The following OR51B5 variants were observed in gnomAD, a reference collection of about 807,000 sequenced individuals.
OR51B5 encodes olfactory receptor family 51 subfamily B member 5, also known as olfactory receptor 51B5.
For missense variants in OR51B5, 456 were observed against 374.6 expected, an observed-to-expected ratio of 1.22 and a Z score of -1.79; for synonymous variants, 186 against 144.8, an observed-to-expected ratio of 1.28 and a Z score of -2.04.
At chr11:5,466,278 C>T (rs1851137838) in intron 1 of OR51B5, among the ~76,000 whole-genome samples, 1 of 152,104 alleles carries the variant, frequency 6.6e-6, no homozygotes, top group Admixed American at 6.5e-5. Context: ...AGGCAATACT[C>T]ATTAGACAAT....
chr11:5,448,314 AG>A (rs1252949004), intron 1 of OR51B5, among the ~76,000 whole-genome samples: 1 of 152,226 alleles, frequency 6.6e-6, no homozygotes, highest in Non-Finnish European at 1.5e-5. Context: ...ATCCACACCC[AG>A]TAGATGTTAA....
rs896005722 is a variant in OR51B5, at chr11:5,351,498, A to G, written n.85-4588T>C. 2.5e-6 allele frequency: 4 copies of G among 1,598,418 alleles called. No homozygotes were observed. The Admixed American group carries it at 6.9e-5, about 28-fold the overall frequency. Reference sequence around the variant, plus strand: ...CTGGAGTAAATATTTGCCTCTTTGCAAAGCTGGCAATGGGGCTCAATAAGT... The same window carrying G: ...CTGGAGTAAATATTTGCCTCTTTGCGAAGCTGGCAATGGGGCTCAATAAGT... On this transcript the variant is annotated intron_variant and non_coding_transcript_variant, in intron 1 of 4. Coordinates refer to the OR51B5 transcript ENST00000415970.
intron 1 of OR51B5, among the ~76,000 whole-genome samples, chr11:5,446,135 A>G (rs1850759353): frequency 6.6e-6 from 1 of 152,140 alleles, no homozygotes; most frequent in African/African-American, 2.4e-5. Flanking sequence ...GGATAGCATT[A>G]GGAGATACAC....
At chr11:5,434,267 G>A (rs1178226196) in intron 1 of OR51B5, among the ~76,000 whole-genome samples, 1 of 152,144 alleles carries the variant, frequency 6.6e-6, no homozygotes, top group African/African-American at 2.4e-5. Flanking sequence ...AGACTAAAAT[G>A]AAATTTGCAA....
intron 1 of OR51B5, among the ~76,000 whole-genome samples, chr11:5,414,745 C>T (rs1263190924): frequency 1.3e-5 from 2 of 152,148 alleles, no homozygotes; most frequent in African/African-American, 2.4e-5. Flanking sequence ...TATATATGCA[C>T]CCAATACAGG....
At chr11:5,397,643 T>A (rs1285599804) in intron 1 of OR51B5, among the ~76,000 whole-genome samples, 3 of 151,380 alleles carry the variant, frequency 2.0e-5, no homozygotes, top group Non-Finnish European at 2.9e-5. Context: ...GTCAGTGTGG[T>A]GATTCCTCAG....
intron 1 of OR51B5, among the ~76,000 whole-genome samples, chr11:5,427,837 A>G (rs1850472397): frequency 6.6e-6 from 1 of 152,206 alleles, no homozygotes; most frequent in African/African-American, 2.4e-5. Context: ...TTTAAACATC[A>G]AATTTAAATT....
intron 1 of OR51B5, among the ~76,000 whole-genome samples, chr11:5,419,309 C>G (rs1346131884): frequency 6.6e-6 from 1 of 152,064 alleles, no homozygotes; most frequent in African/African-American, 2.4e-5. Flanking sequence ...TCAGGCACAC[C>G]TAGAGAAAAG....
At chr11:5,418,498 G>A (rs35497472) in intron 1 of OR51B5, among the ~76,000 whole-genome samples, 7 of 151,988 alleles carry the variant, frequency 4.6e-5, no homozygotes, top group East Asian at 1.9e-4. Flanking sequence ...ATCAGTGATC[G>A]ACTGGATTAA....
intron 1 of OR51B5, among the ~76,000 whole-genome samples, chr11:5,470,769 G>A (rs909000824): frequency 2.0e-5 from 3 of 151,998 alleles, no homozygotes; most frequent in Non-Finnish European, 2.9e-5. Flanking sequence ...CATCGTAAAC[G>A]CTGGTTTCCT....
At chr11:5,432,715 G>T (rs1850549464) in intron 1 of OR51B5, among the ~76,000 whole-genome samples, 1 of 152,156 alleles carries the variant, frequency 6.6e-6, no homozygotes, top group Non-Finnish European at 1.5e-5. Flanking sequence ...TTTATTCTTA[G>T]AGAGACACTA....
intron 1 of OR51B5, among the ~76,000 whole-genome samples, chr11:5,474,820 C>T (rs1025248313): frequency 6.6e-6 from 1 of 152,172 alleles, no homozygotes; most frequent in Non-Finnish European, 1.5e-5. Flanking sequence ...TCTCAAATCT[C>T]ACAGTGATCA....
At chr11:5,504,762 G>A (rs966058416) in intron 1 of OR51B5, among the ~76,000 whole-genome samples, 8 of 152,152 alleles carry the variant, frequency 5.3e-5, no homozygotes, top group South Asian at 2.1e-4. Flanking sequence ...CACTTTCCAC[G>A]TACCAGGCCC....
At chr11:5,488,317 G>A (rs1851525836) in intron 1 of OR51B5, among the ~76,000 whole-genome samples, 1 of 152,152 alleles carries the variant, frequency 6.6e-6, no homozygotes, top group Admixed American at 6.6e-5. Context: ...AAAGGAATGA[G>A]ACTCCCTAGG....
rs139672653 is a variant in OR51B5 at position 5,463,984 on chromosome 11, T to G, written n.84+41585A>C. 1.1e-3 allele frequency among the ~76,000 whole-genome samples: 167 copies of G among 152,308 alleles called. 1 individual carries two copies. The highest frequency in any genetic ancestry group is 3.8e-3 in the African/African-American group (156 of 41,572). On this transcript the variant is annotated intron_variant and non_coding_transcript_variant, in intron 1 of 4. Transcript: ENST00000415970. The stretch of plus-strand genomic sequence containing the variant: ...AACTGTATGAGGACAGAACAACAGC[T>G]TAGAACCAACCACAGTGCTATGTAT...
chr11:5,483,893 T>G (rs1490230014), intron 1 of OR51B5, among the ~76,000 whole-genome samples: 1 of 152,054 alleles, frequency 6.6e-6, no homozygotes, highest in African/African-American at 2.4e-5. Flanking sequence ...GGACAAGACA[T>G]TTCAACACGA....
chr11:5,428,760 T>C (rs557000744), intron 1 of OR51B5, among the ~76,000 whole-genome samples: 26 of 152,352 alleles, frequency 1.7e-4, no homozygotes, highest in Non-Finnish European at 1.6e-4. Flanking sequence ...ATTTAGTTTA[T>C]AGTTTAACTT....
intron 1 of OR51B5, chr11:5,352,519 C>T: frequency 2.2e-6 from 2 of 903,398 alleles, no homozygotes; most frequent in Non-Finnish European, 3.4e-6. Context: ...GCATAAGTAA[C>T]TAGGGAAAGT....
At chr11:5,473,621 T>C (rs1394941341) in intron 1 of OR51B5, among the ~76,000 whole-genome samples, 1 of 152,188 alleles carries the variant, frequency 6.6e-6, no homozygotes, top group African/African-American at 2.4e-5. Context: ...GAAAACCTTA[T>C]GAATACATTT....
Sources: allele counts gnomAD v4.1 joint callset (sites outside exome capture counted in the v4.1 genomes callset), GRCh38; gene constraint gnomAD v4.1.1; transcripts MANE v1.5; gene names NCBI Gene and HGNC (gene_info 2026-07-23, HGNC 2026-07-21).